MGLL: variants seen among roughly 807,000 people sequenced by gnomAD.
MGLL encodes monoglyceride lipase.
MGLL carries 7 observed loss-of-function variants against 29.1 expected under a neutral mutation model. That is an observed-to-expected ratio of 0.24 (90% CI 0.14 to 0.45). The LOEUF (loss-of-function observed/expected upper bound fraction) is 0.45, where lower values mean the gene tolerates loss of function less well. Among genes scored for constraint, MGLL ranks in the 20% least tolerant of loss-of-function variants. The probability of loss-of-function intolerance (pLI) is 0.99; values close to 1 mark genes in which losing one functional copy is unlikely to be tolerated. For missense variants in MGLL, 356 were observed against 413.6 expected, an observed-to-expected ratio of 0.86 and a Z score of 1.21; for synonymous variants, 148 against 168.3, an observed-to-expected ratio of 0.88 and a Z score of 0.93.
intron 2 of MGLL, among the ~76,000 whole-genome samples, chr3:127,814,335 C>A (rs891512955): frequency 1.3e-5 from 2 of 152,174 alleles, no homozygotes; most frequent in Admixed American, 1.3e-4. Flanking sequence ...AGCATCCCCA[C>A]CCCCATCCCC....
At chr3:127,715,776 C>T in intron 5 of MGLL, 1 of 456,758 alleles carries the variant, frequency 2.2e-6, no homozygotes, top group Non-Finnish European at 4.4e-6. Context: ...GACCAGATGA[C>T]TGCTGCTCCT....
At chr3:127,793,896 A>G (rs893979147) in intron 2 of MGLL, among the ~76,000 whole-genome samples, 4 of 152,144 alleles carry the variant, frequency 2.6e-5, no homozygotes, top group African/African-American at 9.7e-5. Context: ...GTTACTGGAA[A>G]TTTTCTAAAT....
In MGLL at chr3:127,781,887, A is replaced by T. The variant is rs1398115814; in HGVS notation, c.164T>A (p.Ile55Asn). ...WKPTGTPKALIFVSHGAGEHS... is the reference protein window; with the variant it reads ...WKPTGTPKALNFVSHGAGEHS... Reference sequence around the variant, plus strand: ...CTCTCCGGCTCCATGGGACACAAAGATGAGGGCCCTGCAGAGACAAGAAGG... The same window carrying T: ...CTCTCCGGCTCCATGGGACACAAAGTTGAGGGCCCTGCAGAGACAAGAAGG... Residue 55 changes from isoleucine (I) to asparagine (N), a missense_variant, in exon 3 of 8, where the codon ATC (isoleucine) becomes AAC (asparagine). Transcript: ENST00000265052. 1 of 1,614,012 alleles carries T rather than the reference A, an allele frequency of 6.2e-7. No individual in the cohort carries two copies. Among genetic ancestry groups the T allele is most frequent in the Non-Finnish European group, 8.5e-7 (1 of 1,180,002 alleles).
At chr3:127,712,721 C>G (rs1373921548) in intron 5 of MGLL, 2 of 152,346 alleles carry the variant, frequency 1.3e-5, no homozygotes, top group Non-Finnish European at 2.9e-5. Flanking sequence ...CATGGTGTGT[C>G]TGCATAATCG....
At chr3:127,745,472 C>A (rs189017079) in intron 3 of MGLL, among the ~76,000 whole-genome samples, 55 of 152,246 alleles carry the variant, frequency 3.6e-4, no homozygotes, top group South Asian at 6.2e-4. Context: ...CGAATGTCCT[C>A]ACCTGTAGGT....
At chr3:127,737,864 G>A (rs1366609801) in intron 3 of MGLL, among the ~76,000 whole-genome samples, 1 of 151,738 alleles carries the variant, frequency 6.6e-6, no homozygotes, top group Admixed American at 6.6e-5. Context: ...GGCTAGTCTC[G>A]AACTTCTGAC....
At chr3:127,704,816 C>T (rs1328047734) in intron 6 of MGLL, among the ~76,000 whole-genome samples, 1 of 151,938 alleles carries the variant, frequency 6.6e-6, no homozygotes, top group Non-Finnish European at 1.5e-5. Context: ...GTTCAACCAT[C>T]GTGGAAGACA....
At chr3:127,795,284 C>CAGGA in intron 2 of MGLL, among the ~76,000 whole-genome samples, 1 of 151,998 alleles carries the variant, frequency 6.6e-6, no homozygotes, top group African/African-American at 2.4e-5. Flanking sequence ...CAAATTAATG[C>CAGGA]AGGAACAGAA....
At chr3:127,818,449 A>AT (rs1489233418) in intron 2 of MGLL, among the ~76,000 whole-genome samples, 1 of 151,808 alleles carries the variant, frequency 6.6e-6, no homozygotes, top group Non-Finnish European at 1.5e-5. Context: ...GTCTCAAGGA[A>AT]TTTCCCGCCT....
chr3:127,803,289 G>A (rs16835913), intron 2 of MGLL, among the ~76,000 whole-genome samples: 23,081 of 152,006 alleles, frequency 0.15, 1,908 homozygotes, highest in South Asian at 0.26. Flanking sequence ...ACAAGCCTGA[G>A]TCTCTTTATT....
At chr3:127,713,393 C>T (rs996470656) in intron 5 of MGLL, 29 of 111,464 alleles carry the variant, frequency 2.6e-4, no homozygotes, top group African/African-American at 9.4e-4. Flanking sequence ...CTCTGTGTAA[C>T]GGGATGGTGT....
chr3:127,819,569 A>G (rs874546), intron 2 of MGLL, among the ~76,000 whole-genome samples: 46,754 of 151,788 alleles, frequency 0.31, 10,189 homozygotes, highest in African/African-American at 0.62. Flanking sequence ...CTGGGAGGAG[A>G]CAGGATTGCA....
At chr3:127,818,014 G>A (rs2077788223) in intron 2 of MGLL, among the ~76,000 whole-genome samples, 1 of 152,216 alleles carries the variant, frequency 6.6e-6, no homozygotes, top group South Asian at 2.1e-4. Flanking sequence ...AGGCTGGAGT[G>A]CAGTGGTGCG....
chr3:127,729,096 T>C (rs958610299), intron 3 of MGLL, among the ~76,000 whole-genome samples: 4 of 152,110 alleles, frequency 2.6e-5, no homozygotes, highest in Non-Finnish European at 5.9e-5. Context: ...TTGTTTACAT[T>C]GTATTTAGCC....
chr3:127,740,796 G>T (rs565616522), intron 3 of MGLL, among the ~76,000 whole-genome samples: 53 of 152,238 alleles, frequency 3.5e-4, no homozygotes, highest in Non-Finnish European at 5.1e-4. Flanking sequence ...CCGTGTCGAC[G>T]TAGTGTGGGG....
intron 2 of MGLL, among the ~76,000 whole-genome samples, chr3:127,815,662 T>A (rs986183691): frequency 6.6e-6 from 1 of 152,180 alleles, no homozygotes; most frequent in Non-Finnish European, 1.5e-5. Context: ...TGGAACACCA[T>A]CCAGGACACA....
chr3:127,707,318 G>A (rs1164010923), intron 6 of MGLL, among the ~76,000 whole-genome samples: 1 of 152,178 alleles, frequency 6.6e-6, no homozygotes, highest in South Asian at 2.1e-4. Context: ...ATGGCTGAGG[G>A]CATGGGCAGA....
At chr3:127,738,581 C>A (rs1449180481) in intron 3 of MGLL, among the ~76,000 whole-genome samples, 1 of 152,188 alleles carries the variant, frequency 6.6e-6, no homozygotes, top group Non-Finnish European at 1.5e-5. Context: ...GAGCACCCTG[C>A]AGCCTGGGTC....
At chr3:127,747,222 G>A (rs2076464085) in intron 3 of MGLL, among the ~76,000 whole-genome samples, 1 of 152,122 alleles carries the variant, frequency 6.6e-6, no homozygotes, top group African/African-American at 2.4e-5. Flanking sequence ...ACCATCCCAG[G>A]CCTCCAGGCA....
Sources: allele counts gnomAD v4.1 joint callset (sites outside exome capture counted in the v4.1 genomes callset), GRCh38; gene constraint gnomAD v4.1.1; transcripts MANE v1.5; gene names NCBI Gene and HGNC (gene_info 2026-07-23, HGNC 2026-07-21).